The following SORCS1 variants were observed in gnomAD, a reference collection of about 807,000 sequenced individuals.
SORCS1 encodes the protein sortilin related VPS10 domain containing receptor 1, also known as VPS10 domain-containing receptor SorCS1.
In SORCS1, 60 loss-of-function variants were observed where a neutral mutation model predicts 146.1. The ratio of observed to expected loss-of-function variants is 0.41; its 90% CI spans 0.33 to 0.51. SORCS1 has a LOEUF of 0.51. SORCS1 is among the 20% of genes least tolerant of loss of function. The pLI is 0.21. For synonymous variants in SORCS1, 637 were observed against 584.0 expected (o/e 1.09, Z -1.31); for missense variants, 1,352 against 1,487.6 (o/e 0.91, Z 1.50).
At chr10:106,822,723 G>C (rs1360075761) in intron 3 of SORCS1, among the ~76,000 whole-genome samples, 3 of 149,580 alleles carry the variant, frequency 2.0e-5, no homozygotes, top group Non-Finnish European at 3.0e-5. Flanking sequence ...CTTACTACAC[G>C]TCACTTTTAT....
At position 106,688,177 on chromosome 10, in the gene SORCS1, A is replaced by C; in HGVS notation, c.1560+15T>G. ...TCTACTGTGTGAGGCATTCTGCTTC[A>C]ATAGGAAGACTCACCAGCAAGCAGT... On this transcript the variant is annotated intron_variant, in intron 10 of 25. Transcript: ENST00000263054. 1 of 1,610,810 alleles carries C rather than the reference A, an allele frequency of 6.2e-7. No individual in the cohort carries two copies. The highest frequency in any genetic ancestry group is 1.1e-5 in the South Asian group (1 of 90,496).
intron 9 of SORCS1, among the ~76,000 whole-genome samples, chr10:106,690,531 T>C (rs1853219007): frequency 1.3e-5 from 2 of 152,226 alleles, no homozygotes. Context: ...GGCGACTTTA[T>C]TGGCCCCCGA....
intron 9 of SORCS1, among the ~76,000 whole-genome samples, chr10:106,693,803 C>T (rs751398416): frequency 1.3e-5 from 2 of 152,106 alleles, no homozygotes; most frequent in Admixed American, 1.3e-4. Context: ...TAAATCAATT[C>T]AAAGGAACTT....
At position 106,675,122 on chromosome 10, in the gene SORCS1, A is replaced by G; in HGVS notation, c.1867T>C (p.Tyr623His). The G allele has an allele frequency of 1.9e-6, 3 of 1,613,982 alleles. No homozygotes were observed. The highest frequency in any genetic ancestry group is 2.5e-6 in the Non-Finnish European group (3 of 1,179,892). ...SFDEGRSWSK[Y>H]SFTSIPLFVD... The stretch of plus-strand genomic sequence containing the variant: ...AAAAGTGGAATAGATGTGAAACTGT[A>G]TTTGCTCCAAGATCTCCCTTCATCA... Residue 623 changes from tyrosine (Y) to histidine (H), a missense_variant, in exon 14 of 26, where the codon TAC becomes CAC. Transcript: ENST00000263054.
At chr10:107,072,440 T>C (rs1473533644) in intron 1 of SORCS1, among the ~76,000 whole-genome samples, 2 of 152,216 alleles carry the variant, frequency 1.3e-5, no homozygotes, top group Non-Finnish European at 2.9e-5. Flanking sequence ...CCCCGCCACC[T>C]GCACTGAGCA....
chr10:107,122,110 G>C (rs1173401890), intron 1 of SORCS1, among the ~76,000 whole-genome samples: 1 of 152,084 alleles, frequency 6.6e-6, no homozygotes. Flanking sequence ...ACTGGTTTTG[G>C]CTTTGTCTAT....
intron 1 of SORCS1, among the ~76,000 whole-genome samples, chr10:107,110,853 A>T (rs1338640515): frequency 2.0e-5 from 3 of 152,124 alleles, no homozygotes; most frequent in Admixed American, 2.0e-4. Flanking sequence ...CTGTCTGCAT[A>T]CCTTCAAGTG....
Position 107,164,346 on chromosome 10 carries a change from GC to G in SORCS1, c.180del (p.Arg61GlyfsTer13). The G allele has an allele frequency of 3.3e-6, 5 of 1,526,704 alleles. No individual in the cohort carries two copies. Among genetic ancestry groups the G allele is most frequent in the Non-Finnish European group, 3.5e-6 (4 of 1,139,202 alleles). The allele number at this position is 1,526,704 out of a possible 1,614,324, so 94.6% of individuals were successfully genotyped here. A position where few individuals can be genotyped will look rare whatever the true frequency, so the allele number is the denominator to read the frequency against. ...GGCGTGGCAGGAGCCCTGCCTGGCC[GC>G]CCCTGGTGGGAAAAGCCCCTAGGGG... is the stretch of plus-strand genomic sequence containing the variant. ...ASTPRGFSHQ[G>X]RPGRAPATPL... On this transcript the variant is annotated frameshift_variant, in exon 1 of 26. Coordinates refer to ENST00000263054, the MANE Select transcript of SORCS1 (RefSeq NM_052918.5). LOFTEE classifies it high-confidence loss of function. This position sits in a 1 kb window ranked among gnomAD's most constrained non-coding sequence, Gnocchi z 6.8.
chr10:106,786,429 T>A (rs371630249), intron 3 of SORCS1, among the ~76,000 whole-genome samples: 1 of 152,152 alleles, frequency 6.6e-6, no homozygotes, highest in Non-Finnish European at 1.5e-5. Context: ...GAACATCACA[T>A]AACATGGCAG....
chr10:106,859,040 G>A (rs1231085488), intron 2 of SORCS1, among the ~76,000 whole-genome samples: 2 of 152,184 alleles, frequency 1.3e-5, no homozygotes, highest in East Asian at 3.9e-4. Flanking sequence ...TCACAGATGC[G>A]GCCTCTCTCA....
chr10:106,712,235 A>G (rs946806962), intron 6 of SORCS1, among the ~76,000 whole-genome samples: 1 of 152,198 alleles, frequency 6.6e-6, no homozygotes, highest in African/African-American at 2.4e-5. Flanking sequence ...AAATGTAACA[A>G]TGTGTGGGAA....
chr10:106,629,504 T>C (rs749286264), intron 18 of SORCS1, 116 bp from the exon 19 acceptor site: 9 of 984,068 alleles, frequency 9.1e-6, no homozygotes, highest in Non-Finnish European at 1.1e-5. Flanking sequence ...CAGCCCTGGC[T>C]CACTCCTACA....
intron 5 of SORCS1, among the ~76,000 whole-genome samples, chr10:106,732,252 A>G (rs1266889146): frequency 2.6e-5 from 4 of 152,206 alleles, no homozygotes; most frequent in Admixed American, 6.5e-5. Context: ...TTTCCCTCAT[A>G]TAGACATGGG....
chr10:106,790,759 G>A (rs926698381), intron 3 of SORCS1, among the ~76,000 whole-genome samples: 5 of 152,110 alleles, frequency 3.3e-5, no homozygotes, highest in South Asian at 2.1e-4. Flanking sequence ...AGTGATGGCC[G>A]GACAGGTTTT....
chr10:106,629,610 C>G lies in SORCS1; in HGVS notation c.2476-222G>C, dbSNP rs143765595. ...GGATACACTCCAAATCTGAAGGACA[C>G]CAACTACTGTAAGTTTCAGGGGTTT... On this transcript the variant is annotated intron_variant, in intron 18 of 25. Coordinates refer to ENST00000263054, the MANE Select transcript of SORCS1 (RefSeq NM_052918.5). Among the ~76,000 whole-genome samples, 411 of 152,302 alleles carry G rather than the reference C, an allele frequency of 2.7e-3. 3 individuals are homozygous for G. The highest frequency in any genetic ancestry group is 9.2e-3 in the African/African-American group (384 of 41,560).
At chr10:106,774,091 T>C (rs1461981773) in intron 4 of SORCS1, among the ~76,000 whole-genome samples, 1 of 152,210 alleles carries the variant, frequency 6.6e-6, no homozygotes, top group South Asian at 2.1e-4. Flanking sequence ...CTTGGCCTCA[T>C]ACAGAAAAAC....
chr10:106,985,733 C>T (rs919368005), intron 1 of SORCS1, among the ~76,000 whole-genome samples: 2 of 151,970 alleles, frequency 1.3e-5, no homozygotes, highest in Admixed American at 1.3e-4. Context: ...GACGGGGTTT[C>T]ACCATGTTGG....
At chr10:106,808,914 C>T (rs1380651605) in intron 3 of SORCS1, among the ~76,000 whole-genome samples, 1 of 152,180 alleles carries the variant, frequency 6.6e-6, no homozygotes, top group African/African-American at 2.4e-5. Context: ...TCTGAAACTC[C>T]CTCCACTCTA....
intron 9 of SORCS1, among the ~76,000 whole-genome samples, chr10:106,690,195 C>A (rs192698101): frequency 4.6e-5 from 7 of 152,292 alleles, no homozygotes; most frequent in African/African-American, 1.7e-4. Flanking sequence ...CCAGGGAATT[C>A]CATATTGGTT....
Sources: allele counts gnomAD v4.1 joint callset (sites outside exome capture counted in the v4.1 genomes callset), GRCh38; gene constraint gnomAD v4.1.1; non-coding constraint Gnocchi (gnomAD v3.1); transcripts MANE v1.5; gene names NCBI Gene and HGNC (gene_info 2026-07-23, HGNC 2026-07-21).